The following KHDRBS2 variants were observed in gnomAD, a reference collection of about 807,000 sequenced individuals.
KHDRBS2 encodes the protein KH RNA binding domain containing, signal transduction associated 2, also known as KH domain-containing, RNA-binding, signal transduction-associated protein 2.
In KHDRBS2, 26 loss-of-function variants were observed where a neutral mutation model predicts 44.3. The observed-to-expected ratio is 0.59, with a 90% confidence interval of 0.43 to 0.81. The LOEUF (loss-of-function observed/expected upper bound fraction) is 0.81. KHDRBS2 is among the 40% of genes least tolerant of loss of function. The pLI, the probability that KHDRBS2 is intolerant of heterozygous loss-of-function variation, is 0.00. For synonymous variants in KHDRBS2, 194 were observed against 151.1 expected (o/e 1.28, Z -2.08); for missense variants, 476 against 433.1 (o/e 1.10, Z -0.88).
At chr6:62,169,098 T>C (rs1363450438) in intron 2 of KHDRBS2, among the ~76,000 whole-genome samples, 1 of 123,568 alleles carries the variant, frequency 8.1e-6, no homozygotes, top group Non-Finnish European at 1.7e-5. Flanking sequence ...CATTTATATT[T>C]ATATATACAC....
chr6:62,180,093 C>T (rs1183337428), intron 1 of KHDRBS2, among the ~76,000 whole-genome samples: 6 of 151,784 alleles, frequency 4.0e-5, no homozygotes, highest in African/African-American at 1.4e-4. Context: ...AGCAAACTAA[C>T]ACAAGAACAG....
intron 2 of KHDRBS2, among the ~76,000 whole-genome samples, chr6:62,123,072 C>T (rs1397314167): frequency 6.6e-6 from 1 of 152,052 alleles, no homozygotes; most frequent in African/African-American, 2.4e-5. Context: ...CCCAACTGGC[C>T]CCAGTGTGTG....
intron 2 of KHDRBS2, among the ~76,000 whole-genome samples, chr6:62,132,679 T>C (rs1810601169): frequency 6.6e-6 from 1 of 152,238 alleles, no homozygotes; most frequent in African/African-American, 2.4e-5. Context: ...AACCATTATG[T>C]TGCTGTTTCC....
chr6:62,210,554 C>T (rs1420880874), intron 1 of KHDRBS2, among the ~76,000 whole-genome samples: 19 of 152,098 alleles, frequency 1.2e-4, no homozygotes, highest in Admixed American at 1.2e-3. Context: ...TGGTCTAGAA[C>T]TCCTGACCTC....
At chr6:62,186,537 T>C (rs1391299132) in intron 1 of KHDRBS2, among the ~76,000 whole-genome samples, 1 of 152,010 alleles carries the variant, frequency 6.6e-6, no homozygotes, top group Non-Finnish European at 1.5e-5. Flanking sequence ...GTGTCCTTTA[T>C]CAGACTAATA....
Position 62,115,366 on chromosome 6 carries a change from G to C in KHDRBS2, c.219+61819C>G, listed in dbSNP as rs574133807. Among the ~76,000 whole-genome samples the C allele has an allele frequency of 7.9e-5, 12 of 152,222 alleles. No homozygotes were observed. In the South Asian group the frequency reaches 2.5e-3, roughly 32 times the overall value. Reference sequence around the variant, plus strand: ...ACTTTGATATCAGCATAGGCTGCTGGATGTGTGTGCTACCATTATCCAGTT... The same window carrying C: ...ACTTTGATATCAGCATAGGCTGCTGCATGTGTGTGCTACCATTATCCAGTT... On this transcript the variant is annotated intron_variant, in intron 2 of 8. Transcript: ENST00000281156.
At chr6:62,145,811 T>C (rs1490209194) in intron 2 of KHDRBS2, among the ~76,000 whole-genome samples, 5 of 151,852 alleles carry the variant, frequency 3.3e-5, no homozygotes, top group African/African-American at 1.2e-4. Context: ...AATGGAAAAT[T>C]GTACACATAA....
At chr6:61,992,708 A>C (rs1776369304) in intron 3 of KHDRBS2, among the ~76,000 whole-genome samples, 1 of 152,206 alleles carries the variant, frequency 6.6e-6, no homozygotes, top group Admixed American at 6.5e-5. Context: ...AAGAACATGT[A>C]TAATCTCTAC....
At chr6:62,255,520 T>C (rs1192511816) in intron 1 of KHDRBS2, among the ~76,000 whole-genome samples, 2 of 103,924 alleles carry the variant, frequency 1.9e-5, no homozygotes, top group Non-Finnish European at 3.9e-5. Context: ...AGTCGAACTC[T>C]CACAGTTCAA....
chr6:61,612,364 C>CT, the KHDRBS2 span, among the ~76,000 whole-genome samples: 6 of 152,290 alleles, frequency 3.9e-5, no homozygotes, highest in Non-Finnish European at 8.8e-5. Flanking sequence ...TTATGGCAAT[C>CT]TTTTTGGAAG....
At chr6:61,557,920 T>C in the KHDRBS2 span, among the ~76,000 whole-genome samples, 1 of 152,192 alleles carries the variant, frequency 6.6e-6, no homozygotes, top group Non-Finnish European at 1.5e-5. Flanking sequence ...TTCCAGTTTA[T>C]TGTCATACAG....
chr6:61,700,508 G>C (rs530789974), intron 7 of KHDRBS2, among the ~76,000 whole-genome samples: 2 of 151,116 alleles, frequency 1.3e-5, no homozygotes, highest in Non-Finnish European at 3.0e-5. Context: ...CTATACCTTA[G>C]ATTATTAAAA....
At chr6:62,022,030 CTA>C (rs201174798) in intron 3 of KHDRBS2, among the ~76,000 whole-genome samples, 395 of 144,052 alleles carry the variant, frequency 2.7e-3, no homozygotes, top group African/African-American at 2.4e-3. Flanking sequence ...CACACAAACA[CTA>C]TATATATATA....
At position 61,710,202 on chromosome 6, in the gene KHDRBS2, T is replaced by A. The variant is rs939827092; in HGVS notation, c.894-12949A>T. ...TTTTTCTTTGTGTAAGAAAAAAAAA[T>A]GTCACATTCACCCAGAAACTCTTGG... On this transcript the variant is annotated intron_variant, in intron 7 of 8. Coordinates refer to ENST00000281156, the MANE Select transcript of KHDRBS2 (RefSeq NM_152688.4). 9.2e-5 allele frequency among the ~76,000 whole-genome samples: 14 copies of A among 151,702 alleles called. No homozygotes were observed. The East Asian group carries it at 1.6e-3, about 17-fold the overall frequency.
chr6:61,986,160 C>T (rs1185978387), intron 3 of KHDRBS2, among the ~76,000 whole-genome samples: 2 of 152,086 alleles, frequency 1.3e-5, no homozygotes, highest in Non-Finnish European at 2.9e-5. Flanking sequence ...GACTGCGGAC[C>T]TCTCATGAAA....
chr6:62,122,154 T>G (rs548484841), intron 2 of KHDRBS2, among the ~76,000 whole-genome samples: 3 of 152,296 alleles, frequency 2.0e-5, no homozygotes, highest in South Asian at 4.1e-4. Flanking sequence ...TTGGGCCATA[T>G]GACCCAGCAG....
intron 1 of KHDRBS2, 50 bp from the exon 2 acceptor site, chr6:62,177,362 T>G: frequency 1.4e-6 from 2 of 1,406,760 alleles, no homozygotes; most frequent in Non-Finnish European, 9.8e-7. Context: ...AACAATGTTA[T>G]CATAAATATG....
intron 2 of KHDRBS2, among the ~76,000 whole-genome samples, chr6:62,167,118 C>A (rs781646843): frequency 6.6e-6 from 1 of 151,882 alleles, no homozygotes; most frequent in Non-Finnish European, 1.5e-5. Context: ...GCAACCCTCC[C>A]AAATAAGGTA....
At chr6:62,270,746 C>A (rs543903341) in intron 1 of KHDRBS2, among the ~76,000 whole-genome samples, 1 of 152,000 alleles carries the variant, frequency 6.6e-6, no homozygotes, top group South Asian at 2.1e-4. Context: ...GGAAAAAAAT[C>A]TTTATTAATT....
Sources: allele counts gnomAD v4.1 joint callset (sites outside exome capture counted in the v4.1 genomes callset), GRCh38; gene constraint gnomAD v4.1.1; transcripts MANE v1.5; gene names NCBI Gene and HGNC (gene_info 2026-07-23, HGNC 2026-07-21).